The following DZIP1L variants were observed in gnomAD, a reference collection of about 807,000 sequenced individuals.
DZIP1L encodes DAZ interacting zinc finger protein 1 like.
DZIP1L carries 90 observed loss-of-function variants against 88.7 expected under a neutral mutation model. That is an observed-to-expected ratio of 1.02 (90% CI 0.86 to 1.21). The LOEUF (loss-of-function observed/expected upper bound fraction) is 1.21, where lower values mean the gene tolerates loss of function less well. Ranked by LOEUF, DZIP1L falls within the 50% of genes most tolerant of loss-of-function variation. The pLI is 0.00. For synonymous variants in DZIP1L, 363 were observed against 372.1 expected (o/e 0.98, Z 0.28); for missense variants, 932 against 955.8 (o/e 0.98, Z 0.33).
At position 138,081,774 on chromosome 3, in the gene DZIP1L, G is replaced by A. The variant is rs778339635; in HGVS notation, c.1204-10C>T. 19 of 1,613,176 alleles carry A rather than the reference G, an allele frequency of 1.2e-5. No homozygotes were observed. Among genetic ancestry groups the A allele is most frequent in the Middle Eastern group, 3.3e-4 (2 of 6,076 alleles). On this transcript the variant is annotated splice_polypyrimidine_tract_variant and intron_variant, in intron 8 of 15. Coordinates refer to ENST00000327532, the MANE Select transcript of DZIP1L (RefSeq NM_173543.3). ...GAGACAAGGACTGGATCTGCAAAGA[G>A]GTGGAATAGAGCGGGTTACAACCAG... is the stretch of plus-strand genomic sequence containing the variant.
chr3:138,069,111 C>CT, intron 12 of DZIP1L: 1 of 832,364 alleles, frequency 1.2e-6, no homozygotes, highest in Non-Finnish European at 1.9e-6. Context: ...TCTTCCGACT[C>CT]TGCCACCCGT....
Position 138,103,490 on chromosome 3 carries a change from C to T in DZIP1L, c.482G>A (p.Gly161Asp), listed in dbSNP as rs143704981. The change falls in exon 2 of 16, where the codon GGC becomes GAC. Residue 161 changes from glycine to aspartate, a missense_variant. Physicochemically the swap from Gly to Asp is moderately conservative, Grantham distance 94. Coordinates refer to ENST00000327532, the MANE Select transcript of DZIP1L (RefSeq NM_173543.3). ...CCTCACCGTGTGGTAGCTGTGGGTG[C>T]CTGTCTGCATTAGCAGCTGCTGCAG... ...STLQQLLMQT[G>D]THSYHTCHLC... 2 of 1,603,234 alleles carry T rather than the reference C, an allele frequency of 1.2e-6. No homozygotes were observed. The highest frequency in any genetic ancestry group is 3.3e-5 in the Admixed American group (2 of 59,720).
At chr3:138,110,521 G>T (rs1450995955) in intron 1 of DZIP1L, among the ~76,000 whole-genome samples, 1 of 152,042 alleles carries the variant, frequency 6.6e-6, no homozygotes, top group African/African-American at 2.4e-5. Context: ...TCCCTGCTAC[G>T]CTCACAGTCA....
chr3:138,094,113 T>C (rs773300971), intron 4 of DZIP1L, among the ~76,000 whole-genome samples: 3 of 152,218 alleles, frequency 2.0e-5, no homozygotes, highest in South Asian at 4.1e-4. Flanking sequence ...CTTATATGAA[T>C]AGTTTGTGGC....
At chr3:138,089,822 A>G (rs1944119259) in intron 5 of DZIP1L, among the ~76,000 whole-genome samples, 1 of 152,146 alleles carries the variant, frequency 6.6e-6, no homozygotes, top group Admixed American at 6.5e-5. Context: ...CAAACACAAT[A>G]TAAGTAATCC....
At chr3:138,097,624 G>A (rs1316904770) in intron 3 of DZIP1L, 139 bp downstream of exon 3, 4 of 757,814 alleles carry the variant, frequency 5.3e-6, no homozygotes, top group African/African-American at 5.2e-5. Flanking sequence ...GTGGTGGATG[G>A]TGGGATCATC....
chr3:138,064,438 T>C, intron 15 of DZIP1L, 190 bp downstream of exon 15: 3 of 1,556,242 alleles, frequency 1.9e-6, no homozygotes, highest in Non-Finnish European at 2.6e-6. Flanking sequence ...TAATGTTAAC[T>C]TGGATACAAG....
intron 4 of DZIP1L, among the ~76,000 whole-genome samples, chr3:138,094,388 A>G (rs1319564249): frequency 1.3e-5 from 2 of 152,232 alleles, no homozygotes; most frequent in African/African-American, 4.8e-5. Context: ...ATTTGTCACA[A>G]TACCAACTAT....
chr3:138,081,600 C>T lies in DZIP1L; in HGVS notation c.1234+134G>A, dbSNP rs868009562. ...AGCTGCAGCCTGTGTGGCCCAGAAG[C>T]CTGACACTACATGTCCACAGGCTGC... On this transcript the variant is annotated intron_variant, in intron 9 of 15. Coordinates refer to ENST00000327532, the MANE Select transcript of DZIP1L (RefSeq NM_173543.3). The T allele has an allele frequency of 1.5e-5, 13 of 862,504 alleles. No homozygotes were observed. In the Middle Eastern group the frequency reaches 7.7e-4, roughly 51 times the overall value. 53.4% of individuals were successfully genotyped at this position (862,504 alleles called of 1,614,324 possible).
intron 11 of DZIP1L, among the ~76,000 whole-genome samples, chr3:138,076,610 G>A (rs1943420935): frequency 6.6e-6 from 1 of 152,178 alleles, no homozygotes; most frequent in African/African-American, 2.4e-5. Context: ...GGCATTTGCT[G>A]CAACCTGGAT....
At chr3:138,092,178 G>C (rs566878168) in intron 5 of DZIP1L, among the ~76,000 whole-genome samples, 1 of 150,438 alleles carries the variant, frequency 6.6e-6, no homozygotes, top group Non-Finnish European at 1.5e-5. Context: ...CTCATTCAAG[G>C]TCTCACAGCC....
chr3:138,104,114 C>G, intron 1 of DZIP1L, 62 bp from the exon 2 acceptor site: 2 of 1,436,738 alleles, frequency 1.4e-6, no homozygotes, highest in Non-Finnish European at 1.8e-6. Flanking sequence ...TACTGTATAT[C>G]TGGCCAGCAA....
intron 1 of DZIP1L, chr3:138,113,536 A>C (rs1199330213): frequency 6.6e-6 from 1 of 152,208 alleles, no homozygotes; most frequent in East Asian, 1.9e-4. Flanking sequence ...CAGGCGTGTC[A>C]TTAATGCTAA....
At chr3:138,086,658 C>T (rs969474833) in intron 7 of DZIP1L, among the ~76,000 whole-genome samples, 21 of 152,148 alleles carry the variant, frequency 1.4e-4, no homozygotes, top group African/African-American at 5.1e-4. Context: ...TGAGGTTTAT[C>T]GAACAACCCT....
At chr3:138,068,501 A>AAATGAACAATTACTCCCTCTCCGTGC in intron 12 of DZIP1L, 134 bp from the exon 13 acceptor site, 1 of 613,036 alleles carries the variant, frequency 1.6e-6, no homozygotes, top group Non-Finnish European at 2.5e-6. Context: ...ACCACAGCAG[A>AAATGAACAATTACTCCCTCTCCGTGC]TTTCATGACT....
intron 7 of DZIP1L, among the ~76,000 whole-genome samples, chr3:138,086,639 C>A (rs111543264): frequency 1.8e-3 from 281 of 152,234 alleles, no homozygotes; most frequent in African/African-American, 6.4e-3. Context: ...AACGACCAGG[C>A]GATTCATCTG....
chr3:138,087,821 C>T (rs767821602), intron 6 of DZIP1L, among the ~76,000 whole-genome samples: 5 of 152,222 alleles, frequency 3.3e-5, no homozygotes, highest in Non-Finnish European at 5.9e-5. Context: ...CATTTTATAA[C>T]CAGACTGCAG....
At chr3:138,081,843 G>T in intron 8 of DZIP1L, 79 bp from the exon 9 acceptor site, 1 of 1,480,840 alleles carries the variant, frequency 6.8e-7, no homozygotes, top group Non-Finnish European at 9.3e-7. Flanking sequence ...TGTCTGCCTA[G>T]CACAGTGAGG....
In DZIP1L at chr3:138,063,208, T is replaced by C. The variant is rs566065369; in HGVS notation, c.2143-231A>G. Among the ~76,000 whole-genome samples the C allele has an allele frequency of 1.3e-5, 2 of 152,182 alleles. No individual in the cohort carries two copies. The highest frequency in any genetic ancestry group is 6.5e-5 in the Admixed American group (1 of 15,278). On this transcript the variant is annotated intron_variant, in intron 15 of 15. Transcript: ENST00000327532. This position sits in a 1 kb window ranked among gnomAD's most constrained non-coding sequence, Gnocchi z 4.1. ...ATTTCAAATACCCCTGAAATTCTAC[T>C]AACCAAACCCAGGCAAGTGCCTTGG...
Sources: gnomAD v4.1 joint callset for allele counts (sites outside exome capture counted in the v4.1 genomes callset) on GRCh38, gnomAD v4.1.1 for gene constraint, Gnocchi (gnomAD v3.1) non-coding constraint, MANE v1.5 for transcripts, NCBI Gene and HGNC (gene_info 2026-07-23, HGNC 2026-07-21) for gene names.